Variants in MCTP1 observed in about 807,000 individuals in gnomAD.
The protein encoded by MCTP1 is multiple C2 and transmembrane domain-containing protein 1.
A neutral mutation model predicts 120.6 loss-of-function variants in MCTP1; 69 were observed. The observed-to-expected ratio is 0.57, with a 90% CI of 0.47 to 0.70. MCTP1 has a LOEUF of 0.70. MCTP1 is among the 30% of genes least tolerant of loss of function. The pLI, the probability that MCTP1 is intolerant of heterozygous loss-of-function variation, is 0.00. For synonymous variants in MCTP1, 529 were observed against 493.1 expected, an observed-to-expected ratio of 1.07 and a Z score of -0.96; for missense variants, 1,203 against 1,248.8, an observed-to-expected ratio of 0.96 and a Z score of 0.55.
intron 2 of MCTP1, chr5:94,979,737 G>A (rs886273134): frequency 6.6e-6 from 1 of 151,894 alleles, no homozygotes; most frequent in Non-Finnish European, 1.5e-5. Flanking sequence ...AAAACACTAG[G>A]GGCCCGTGAT....
chr5:95,068,495 C>G (rs1247716289), intron 1 of MCTP1, among the ~76,000 whole-genome samples: 2 of 152,164 alleles, frequency 1.3e-5, no homozygotes. Context: ...TCCTCAGAGG[C>G]AGATGACAGA....
chr5:95,259,770 T>TCACA (rs1758288408), intron 1 of MCTP1, among the ~76,000 whole-genome samples: 1 of 152,100 alleles, frequency 6.6e-6, no homozygotes, highest in South Asian at 2.1e-4. Flanking sequence ...TGGTACCCTA[T>TCACA]CACAGTATTC....
chr5:95,117,763 C>T (rs1434575521), intron 1 of MCTP1, among the ~76,000 whole-genome samples: 1 of 152,112 alleles, frequency 6.6e-6, no homozygotes, highest in Non-Finnish European at 1.5e-5. Flanking sequence ...GGAATAAAGC[C>T]AAATGCCCAT....
chr5:94,764,162 G>T (rs959076948), intron 19 of MCTP1, among the ~76,000 whole-genome samples: 3 of 152,274 alleles, frequency 2.0e-5, no homozygotes, highest in African/African-American at 4.8e-5. Context: ...TAAACCTTTT[G>T]CTTGGATGTG....
At chr5:95,081,992 G>T in intron 1 of MCTP1, 1 of 226,512 alleles carries the variant, frequency 4.4e-6, no homozygotes, top group Non-Finnish European at 7.3e-6. Context: ...CTCCCAGAAA[G>T]ACATCTAAAA....
At chr5:94,761,961 C>G (rs1561590559) in intron 19 of MCTP1, among the ~76,000 whole-genome samples, 3 of 152,214 alleles carry the variant, frequency 2.0e-5, no homozygotes. Flanking sequence ...CCAGCAACAA[C>G]TGCCAGACCA....
chr5:94,715,620 G>A (rs752016084), intron 19 of MCTP1, among the ~76,000 whole-genome samples: 4 of 152,130 alleles, frequency 2.6e-5, no homozygotes, highest in Admixed American at 2.0e-4. Context: ...GGTAGAGATT[G>A]AGCATTAAAG....
Position 95,059,189 on chromosome 5 carries a change from T to C in MCTP1, c.721-41705A>G, listed in dbSNP as rs181722174. Reference sequence around the variant, plus strand: ...AACCTAGGTGCCTATCAATGGTGGATTGGATAAGGAAAATGTGGCATATAT... The same window carrying C: ...AACCTAGGTGCCTATCAATGGTGGACTGGATAAGGAAAATGTGGCATATAT... On this transcript the variant is annotated intron_variant, in intron 1 of 22. Transcript: ENST00000515393. Among the ~76,000 whole-genome samples, 22 of 146,486 alleles carry C rather than the reference T, an allele frequency of 1.5e-4. No individual in the cohort carries two copies. In the East Asian group the frequency reaches 2.6e-3, roughly 17 times the overall value.
chr5:95,129,671 T>TC (rs1644480385), intron 1 of MCTP1, among the ~76,000 whole-genome samples: 1 of 151,588 alleles, frequency 6.6e-6, no homozygotes, highest in South Asian at 2.1e-4. Context: ...CATTTTCTTT[T>TC]TTTTTTGAGA....
chr5:94,839,596 CA>C (rs1790555980), intron 17 of MCTP1, among the ~76,000 whole-genome samples: 1 of 152,050 alleles, frequency 6.6e-6, no homozygotes, highest in South Asian at 2.1e-4. Flanking sequence ...TAAAAGACTT[CA>C]AAAATAATTC....
chr5:94,851,763 T>TTCTG (rs1793776857), intron 17 of MCTP1, among the ~76,000 whole-genome samples: 1 of 152,014 alleles, frequency 6.6e-6, no homozygotes, highest in South Asian at 2.1e-4. Flanking sequence ...TTCTGATTTA[T>TTCTG]AGACAACTGT....
rs966277562 is a variant in MCTP1 at position 94,754,413 on chromosome 5, C to A, written c.2610+24697G>T. On this transcript the variant is annotated intron_variant, in intron 19 of 22. Transcript: ENST00000515393. ...TTTTCAAAAATGTATTCTGCATCCA[C>A]AGAGTTTTAAATCTCAATAACCACG... Among the ~76,000 whole-genome samples the A allele has an allele frequency of 2.6e-5, 4 of 152,358 alleles. No homozygotes were observed. In the East Asian group the frequency reaches 7.7e-4, roughly 29 times the overall value.
chr5:94,923,941 C>CA, intron 7 of MCTP1, 21 bp downstream of exon 7: 2 of 1,464,300 alleles, frequency 1.4e-6, no homozygotes, highest in Non-Finnish European at 1.8e-6. Context: ...AGAATATTAA[C>CA]AAAAAGGATT....
At chr5:95,245,076 C>T (rs922879568) in intron 1 of MCTP1, among the ~76,000 whole-genome samples, 3 of 152,124 alleles carry the variant, frequency 2.0e-5, no homozygotes, top group African/African-American at 4.8e-5. Flanking sequence ...AATAGACCTA[C>T]AGCTGAGGGG....
intron 19 of MCTP1, among the ~76,000 whole-genome samples, chr5:94,730,770 C>T (rs1762967795): frequency 6.6e-6 from 1 of 152,154 alleles, no homozygotes; most frequent in South Asian, 2.1e-4. Context: ...CCTCTTCTTC[C>T]TTGGTAACAC....
At chr5:94,790,065 T>C (rs1275664974) in intron 18 of MCTP1, among the ~76,000 whole-genome samples, 3 of 152,110 alleles carry the variant, frequency 2.0e-5, no homozygotes, top group Non-Finnish European at 4.4e-5. Context: ...GATAATATAC[T>C]GAGAGTGTTG....
intron 8 of MCTP1, 86 bp downstream of exon 8, chr5:94,917,810 G>C: frequency 2.0e-6 from 2 of 997,354 alleles, no homozygotes. Context: ...ATAGGGAGTG[G>C]GTTTTCAGTA....
At chr5:95,084,772 C>G (rs1755301981) in intron 1 of MCTP1, among the ~76,000 whole-genome samples, 1 of 152,078 alleles carries the variant, frequency 6.6e-6, no homozygotes. Context: ...AAAATCTAAA[C>G]CTTTTGTTGC....
intron 1 of MCTP1, among the ~76,000 whole-genome samples, chr5:95,136,783 C>A (rs9314131): frequency 0.16 from 24,158 of 152,144 alleles, 2,011 homozygotes; most frequent in Middle Eastern, 0.23. Flanking sequence ...GAGGCACAGC[C>A]AGAGCACTAA....
Sources: allele counts gnomAD v4.1 joint callset (sites outside exome capture counted in the v4.1 genomes callset), GRCh38; gene constraint gnomAD v4.1.1; transcripts MANE v1.5; gene names NCBI Gene and HGNC (gene_info 2026-07-23, HGNC 2026-07-21).